Variants in COLEC12 observed in about 807,000 individuals in gnomAD.
COLEC12 encodes the protein collectin subfamily member 12.
A neutral mutation model predicts 71.1 loss-of-function variants in COLEC12; 33 were observed. The observed-to-expected ratio is 0.46, with a 90% CI of 0.35 to 0.62. The LOEUF (loss-of-function observed/expected upper bound fraction) is 0.62. Among genes scored for constraint, COLEC12 ranks in the 20% least tolerant of loss-of-function variants. The pLI is 0.00. For synonymous variants in COLEC12, 350 were observed against 353.0 expected, an observed-to-expected ratio of 0.99 and a Z score of 0.10; for missense variants, 765 against 916.1, an observed-to-expected ratio of 0.84 and a Z score of 2.13.
chr18:463,324 C>A (rs1483418845), intron 2 of COLEC12, among the ~76,000 whole-genome samples: 1 of 152,172 alleles, frequency 6.6e-6, no homozygotes, highest in East Asian at 1.9e-4. Flanking sequence ...TATACTGGCA[C>A]ACGGGTGAAG....
intron 1 of COLEC12, among the ~76,000 whole-genome samples, chr18:494,855 A>G (rs1476348300): frequency 6.6e-6 from 1 of 152,188 alleles, no homozygotes; most frequent in Non-Finnish European, 1.5e-5. Context: ...ATAATACCTC[A>G]CGTGATACTG....
rs1913877632 is a variant in COLEC12 at position 327,709 on chromosome 18, C to T, written c.2063+3959G>A. 1.3e-5 allele frequency among the ~76,000 whole-genome samples: 2 copies of T among 152,232 alleles called. No homozygotes were observed. The highest frequency in any genetic ancestry group is 6.5e-5 in the Admixed American group (1 of 15,286). The stretch of plus-strand genomic sequence containing the variant: ...TCTATTTGCTCTTTAACAGTAACCA[C>T]AAAACCTGCAAACTGTTTTAAAAGG... On this transcript the variant is annotated intron_variant, in intron 8 of 9. Coordinates refer to ENST00000400256, the MANE Select transcript of COLEC12 (RefSeq NM_130386.3). This position sits in a 1 kb window ranked among gnomAD's most constrained non-coding sequence, Gnocchi z 4.0.
At chr18:469,929 G>A (rs936605209) in intron 2 of COLEC12, among the ~76,000 whole-genome samples, 6 of 151,966 alleles carry the variant, frequency 3.9e-5, no homozygotes, top group Non-Finnish European at 5.9e-5. Context: ...GAATTAATAA[G>A]TATTGATGTT....
Position 319,329 on chromosome 18 carries a change from A to ATATATATAT in COLEC12, c.*715_*716insATATATATA, listed in dbSNP as rs1555611780. ...CTGAGGAAATGAAACATTAAAAAAA[A>ATATATATAT]AAAAAAAAAAAAATATATATATATA... On this transcript the variant is annotated 3_prime_UTR_variant, in exon 10 of 10. Coordinates refer to ENST00000400256, the MANE Select transcript of COLEC12 (RefSeq NM_130386.3). 1.4e-4 allele frequency: 4 copies of ATATATATAT among 29,490 alleles called. No homozygotes were observed. The highest frequency in any genetic ancestry group is 1.2e-3 in the South Asian group (1 of 812). The allele number at this position is 29,490 out of a possible 1,614,324, so 1.8% of individuals were successfully genotyped here. A position where few individuals can be genotyped will look rare whatever the true frequency, so the allele number is the denominator to read the frequency against.
chr18:426,853 T>G (rs1407189027), intron 2 of COLEC12, among the ~76,000 whole-genome samples: 1 of 152,202 alleles, frequency 6.6e-6, no homozygotes, highest in Non-Finnish European at 1.5e-5. Flanking sequence ...TTCGATAACT[T>G]GCTCAAGATC....
chr18:332,528 A>G (rs997799), intron 7 of COLEC12, among the ~76,000 whole-genome samples: 62,629 of 152,000 alleles, frequency 0.41, 13,589 homozygotes, highest in Non-Finnish European at 0.48. Flanking sequence ...GGTTCAAGGG[A>G]GCAAATGCCT....
chr18:387,719 T>A (rs1439019130), intron 2 of COLEC12, among the ~76,000 whole-genome samples: 2 of 152,166 alleles, frequency 1.3e-5, no homozygotes, highest in African/African-American at 4.8e-5. Flanking sequence ...AAATTTGGGA[T>A]CTTTGTTGAG....
intron 2 of COLEC12, among the ~76,000 whole-genome samples, chr18:387,788 G>A (rs538696133): frequency 6.6e-6 from 1 of 152,316 alleles, no homozygotes; most frequent in Non-Finnish European, 1.5e-5. Flanking sequence ...ATAACCCAGT[G>A]TGTAATTTTA....
intron 2 of COLEC12, among the ~76,000 whole-genome samples, chr18:387,639 A>G (rs761280377): frequency 6.6e-6 from 1 of 152,214 alleles, no homozygotes; most frequent in African/African-American, 2.4e-5. Flanking sequence ...TCACGGCAAC[A>G]TGGATTCAGA....
At chr18:359,319 A>G (rs913024860) in intron 2 of COLEC12, among the ~76,000 whole-genome samples, 1 of 152,234 alleles carries the variant, frequency 6.6e-6, no homozygotes, top group African/African-American at 2.4e-5. Context: ...GCAAACAACT[A>G]GTTTACCGGC....
At chr18:488,486 A>C (rs1199147421) in intron 1 of COLEC12, among the ~76,000 whole-genome samples, 2 of 152,212 alleles carry the variant, frequency 1.3e-5, no homozygotes, top group Non-Finnish European at 2.9e-5. Flanking sequence ...GAAGGGCTGG[A>C]AGATGGAGTC....
At chr18:446,858 A>G (rs772159151) in intron 2 of COLEC12, among the ~76,000 whole-genome samples, 1 of 152,074 alleles carries the variant, frequency 6.6e-6, no homozygotes, top group Non-Finnish European at 1.5e-5. Context: ...CATTCTATCC[A>G]TTTATCTTCA....
At chr18:372,726 T>C (rs567006886) in intron 2 of COLEC12, among the ~76,000 whole-genome samples, 56 of 152,294 alleles carry the variant, frequency 3.7e-4, no homozygotes, top group African/African-American at 1.2e-3. Context: ...CAAAAGAGTG[T>C]TGTTTAACTG....
chr18:454,488 C>T lies in COLEC12; in HGVS notation c.58+26219G>A, dbSNP rs1598369475. Among the ~76,000 whole-genome samples the T allele has an allele frequency of 2.0e-5, 3 of 152,302 alleles. No homozygotes were observed. In the East Asian group the frequency reaches 5.8e-4, roughly 29 times the overall value. ...CCTGAGGTCAGGAGTTCAAGACCAGCCTGGCCAACATGGTGAAACTCCATC... is the reference window on the plus strand; with the variant it reads ...CCTGAGGTCAGGAGTTCAAGACCAGTCTGGCCAACATGGTGAAACTCCATC... On this transcript the variant is annotated intron_variant, in intron 2 of 9. Transcript: ENST00000400256.
intron 1 of COLEC12, among the ~76,000 whole-genome samples, chr18:494,912 A>G (rs1044086174): frequency 6.6e-6 from 1 of 152,230 alleles, no homozygotes; most frequent in Non-Finnish European, 1.5e-5. Flanking sequence ...GTCATGTTTA[A>G]TATATCCAAG....
intron 2 of COLEC12, among the ~76,000 whole-genome samples, chr18:479,642 A>C (rs1048536864): frequency 1.3e-5 from 2 of 152,072 alleles, no homozygotes; most frequent in Admixed American, 1.3e-4. Flanking sequence ...GCACAGAAAC[A>C]AGCTGTTGGG....
rs1431727726 is a variant in COLEC12, at chr18:319,331, A to ATATATATATATATATATAT, written c.*713_*714insATATATATATATATATATA. ...GAGGAAATGAAACATTAAAAAAAAA[A>ATATATATATATATATATAT]AAAAAAAAAAATATATATATATATA... On this transcript the variant is annotated 3_prime_UTR_variant, in exon 10 of 10. Coordinates refer to ENST00000400256, the MANE Select transcript of COLEC12 (RefSeq NM_130386.3). The ATATATATATATATATATAT allele has an allele frequency of 5.5e-5, 3 of 54,678 alleles. No individual in the cohort carries two copies. The highest frequency in any genetic ancestry group is 2.1e-4 in the Admixed American group (1 of 4,862). 3.4% of individuals were successfully genotyped at this position (54,678 alleles called of 1,614,324 possible).
rs979791265 is a variant in COLEC12 at position 368,669 on chromosome 18, C to T, written c.59-11147G>A. Reference sequence around the variant, plus strand: ...CATGAGGTCAGGAGATCGAGACCAGCCTGGCTAACATGGTGAAACCCCGTC... The same window carrying T: ...CATGAGGTCAGGAGATCGAGACCAGTCTGGCTAACATGGTGAAACCCCGTC... On this transcript the variant is annotated intron_variant, in intron 2 of 9. Transcript: ENST00000400256. 4.0e-5 allele frequency among the ~76,000 whole-genome samples: 6 copies of T among 151,848 alleles called. No individual in the cohort carries two copies. In the East Asian group the frequency reaches 9.7e-4, roughly 24 times the overall value.
chr18:371,381 G>A (rs944761606), intron 2 of COLEC12, among the ~76,000 whole-genome samples: 8 of 152,114 alleles, frequency 5.3e-5, no homozygotes, highest in Admixed American at 2.0e-4. Context: ...CTTTGAGCCC[G>A]TGGAAGATCC....
Sources: allele counts gnomAD v4.1 joint callset (sites outside exome capture counted in the v4.1 genomes callset), GRCh38; gene constraint gnomAD v4.1.1; non-coding constraint Gnocchi (gnomAD v3.1); transcripts MANE v1.5; gene names NCBI Gene and HGNC (gene_info 2026-07-23, HGNC 2026-07-21).